Variants in TTC28 observed in about 807,000 individuals in gnomAD.
TTC28 encodes the protein tetratricopeptide repeat protein 28.
TTC28 carries 61 observed loss-of-function variants against 198.0 expected under a neutral mutation model. That is an observed-to-expected ratio of 0.31 (90% CI 0.25 to 0.38). The LOEUF is 0.38. Ranked by LOEUF, TTC28 falls within the 10% of genes least tolerant of loss-of-function variation. TTC28 has a pLI of 1.00. For synonymous variants in TTC28, 1,171 were observed against 1,297.8 expected, an observed-to-expected ratio of 0.90 and a Z score of 2.10; for missense variants, 2,678 against 3,164.0, an observed-to-expected ratio of 0.85 and a Z score of 3.69.
chr22:28,430,036 ATT>A (rs919396993), intron 2 of TTC28, among the ~76,000 whole-genome samples: 96 of 109,968 alleles, frequency 8.7e-4, no homozygotes, highest in African/African-American at 2.3e-3. Context: ...CTGGAATATG[ATT>A]TTTTTTTTTT....
At chr22:28,052,053 A>G (rs1158861603) in intron 12 of TTC28, among the ~76,000 whole-genome samples, 1 of 152,176 alleles carries the variant, frequency 6.6e-6, no homozygotes, top group Non-Finnish European at 1.5e-5. Flanking sequence ...AAGCCCTGAA[A>G]CACATGTATT....
chr22:28,220,368 G>C (rs9613580), intron 5 of TTC28, among the ~76,000 whole-genome samples: 29,039 of 152,170 alleles, frequency 0.19, 3,456 homozygotes, highest in Non-Finnish European at 0.26. Context: ...TCCAGGCATA[G>C]CTTCACTGGG....
chr22:28,390,100 A>T (rs1346258222), intron 2 of TTC28, among the ~76,000 whole-genome samples: 1 of 151,524 alleles, frequency 6.6e-6, no homozygotes, highest in Non-Finnish European at 1.5e-5. Context: ...TTCGTTATGT[A>T]CCCAGTAGTC....
chr22:28,099,766 C>G (rs1942087982), intron 9 of TTC28, among the ~76,000 whole-genome samples: 1 of 152,204 alleles, frequency 6.6e-6, no homozygotes, highest in Non-Finnish European at 1.5e-5. Flanking sequence ...AATTCACCAC[C>G]CTCGTGCCTC....
At chr22:28,391,370 T>C (rs1451059082) in intron 2 of TTC28, among the ~76,000 whole-genome samples, 1 of 152,188 alleles carries the variant, frequency 6.6e-6, no homozygotes, top group Non-Finnish European at 1.5e-5. Context: ...CTGTATTTCC[T>C]GAATCTGAAT....
chr22:28,403,711 G>T (rs545042863), intron 2 of TTC28, among the ~76,000 whole-genome samples: 1 of 152,116 alleles, frequency 6.6e-6, no homozygotes. Context: ...TCTCGCAAAT[G>T]CCCATTTTGT....
Position 27,993,384 on chromosome 22 carries a change from G to T in TTC28, c.5379C>A (p.Asp1793Glu). ...CCGCTGGCAGGCCACTGGTTGGGGG[G>T]TCCAGCCGGAAGCCCACAGCGGTGA... The part of the protein sequence containing the change: ...ALLTAVGFRL[D>E]PPTSGLPAAV... The change falls in exon 18 of 23, where the codon GAC becomes GAA. Residue 1793 changes from aspartate to glutamate, a missense_variant. By Grantham distance (45) the Asp-to-Glu change is conservative (BLOSUM62 2). This residue lies in a region of TTC28 where 314 missense variants were observed against 442.7 expected (regional missense o/e 0.71). Transcript: ENST00000397906. The T allele has an allele frequency of 7.1e-6, 11 of 1,551,154 alleles. No individual in the cohort carries two copies. Among genetic ancestry groups the T allele is most frequent in the Non-Finnish European group, 6.1e-6 (7 of 1,146,970 alleles).
At chr22:28,489,667 T>C (rs1306182866) in intron 2 of TTC28, among the ~76,000 whole-genome samples, 2 of 152,136 alleles carry the variant, frequency 1.3e-5, no homozygotes, top group African/African-American at 4.8e-5. Flanking sequence ...ATGCCTGTAG[T>C]TCCAGCTACA....
intron 5 of TTC28, among the ~76,000 whole-genome samples, chr22:28,198,464 A>G (rs1236501314): frequency 2.0e-5 from 3 of 152,178 alleles, no homozygotes; most frequent in Non-Finnish European, 4.4e-5. Context: ...AATGCTCACT[A>G]ATAGCAGAAT....
At chr22:28,548,596 T>G (rs555688850) in intron 2 of TTC28, among the ~76,000 whole-genome samples, 1 of 152,298 alleles carries the variant, frequency 6.6e-6, no homozygotes, top group Non-Finnish European at 1.5e-5. Context: ...TCTGAGCAAA[T>G]AGCCGAGAGG....
chr22:28,464,212 T>G (rs2047988303), intron 2 of TTC28, among the ~76,000 whole-genome samples: 1 of 152,168 alleles, frequency 6.6e-6, no homozygotes, highest in South Asian at 2.1e-4. Context: ...AGTTCCCTCC[T>G]AATGAAGTCT....
chr22:28,579,637 T>C (rs1427493976), intron 2 of TTC28, among the ~76,000 whole-genome samples: 1 of 151,486 alleles, frequency 6.6e-6, no homozygotes, highest in Non-Finnish European at 1.5e-5. Flanking sequence ...TGTGTGTGTG[T>C]GTGTGTGTGT....
chr22:28,640,805 C>T (rs1014945098), intron 1 of TTC28, among the ~76,000 whole-genome samples: 2 of 152,006 alleles, frequency 1.3e-5, no homozygotes, highest in Non-Finnish European at 2.9e-5. Flanking sequence ...GGAAATAGTA[C>T]GGCAGGTCCT....
At chr22:28,286,862 A>G (rs974161399) in intron 5 of TTC28, among the ~76,000 whole-genome samples, 2 of 152,190 alleles carry the variant, frequency 1.3e-5, no homozygotes, top group African/African-American at 4.8e-5. Flanking sequence ...TTCTACACTG[A>G]AAAGAATAAA....
intron 5 of TTC28, among the ~76,000 whole-genome samples, chr22:28,283,692 T>C (rs1401002161): frequency 6.6e-6 from 1 of 152,172 alleles, no homozygotes; most frequent in Non-Finnish European, 1.5e-5. Flanking sequence ...AGATTTTTCA[T>C]GTGAAAGGCA....
chr22:28,138,206 C>G (rs772017674), intron 6 of TTC28, among the ~76,000 whole-genome samples: 8 of 152,038 alleles, frequency 5.3e-5, no homozygotes, highest in Non-Finnish European at 1.2e-4. Context: ...TATCAATCAG[C>G]CAGAGTCTGA....
At chr22:27,994,389 G>A (rs2090639885) in intron 17 of TTC28, 1 of 151,664 alleles carries the variant, frequency 6.6e-6, no homozygotes, top group African/African-American at 2.4e-5. Context: ...GATGTTGGGT[G>A]CCCTATGAGG....
chr22:28,461,882 T>TA (rs1700608193), intron 2 of TTC28, among the ~76,000 whole-genome samples: 2 of 152,186 alleles, frequency 1.3e-5, no homozygotes, highest in Non-Finnish European at 2.9e-5. Flanking sequence ...GGTCATAACT[T>TA]AGTCTGTTGC....
intron 2 of TTC28, among the ~76,000 whole-genome samples, chr22:28,576,516 A>G (rs1474276212): frequency 2.0e-5 from 3 of 151,082 alleles, no homozygotes; most frequent in African/African-American, 4.9e-5. Context: ...GTTTGGAAGT[A>G]CTCCTTCCTC....
Sources: gnomAD v4.1 joint callset for allele counts (sites outside exome capture counted in the v4.1 genomes callset) on GRCh38, gnomAD v4.1.1 for gene constraint, gnomAD v4.1.1 regional missense constraint, MANE v1.5 for transcripts, NCBI Gene and HGNC (gene_info 2026-07-23, HGNC 2026-07-21) for gene names.